FBXO9: variants seen among roughly 807,000 people sequenced by gnomAD.
FBXO9 encodes F-box protein 9, also known as F-box only protein 9.
In FBXO9, 43 loss-of-function variants were observed where a neutral mutation model predicts 63.7. The ratio of observed to expected loss-of-function variants is 0.67; its 90% CI spans 0.53 to 0.87. FBXO9 has a LOEUF of 0.87. FBXO9 is among the 40% of genes least tolerant of loss of function. The pLI, the probability that FBXO9 is intolerant of heterozygous loss-of-function variation, is 0.00. For synonymous variants in FBXO9, 156 were observed against 171.7 expected, an observed-to-expected ratio of 0.91 and a Z score of 0.72; for missense variants, 442 against 533.2, an observed-to-expected ratio of 0.83 and a Z score of 1.68.
intron 12 of FBXO9, among the ~76,000 whole-genome samples, chr6:53,096,122 AT>A (rs1763202155): frequency 6.6e-6 from 1 of 152,254 alleles, no homozygotes; most frequent in Non-Finnish European, 1.5e-5. Context: ...TACTAAAAAA[AT>A]AAGAGGTATT....
chr6:53,078,086 A>G (rs369262778), intron 4 of FBXO9, among the ~76,000 whole-genome samples: 25 of 152,370 alleles, frequency 1.6e-4, no homozygotes, highest in African/African-American at 6.0e-4. Flanking sequence ...AAACAAAAAC[A>G]AAAACTATTC....
intron 4 of FBXO9, among the ~76,000 whole-genome samples, chr6:53,076,957 T>G (rs1340422950): frequency 2.0e-5 from 3 of 152,106 alleles, no homozygotes; most frequent in Non-Finnish European, 4.4e-5. Context: ...TGCAAAAAAA[T>G]ATTGCTGGGA....
intron 9 of FBXO9, 55 bp from the exon 10 acceptor site, chr6:53,093,411 T>A (rs986395376): frequency 8.3e-6 from 10 of 1,211,288 alleles, no homozygotes; most frequent in Non-Finnish European, 1.2e-5. Context: ...GATAAGGACA[T>A]ATTTTATACT....
intron 12 of FBXO9, among the ~76,000 whole-genome samples, chr6:53,097,143 C>T (rs1305365634): frequency 6.6e-6 from 1 of 152,092 alleles, no homozygotes; most frequent in Non-Finnish European, 1.5e-5. Context: ...TTACCACCTA[C>T]TTTCCCTCCC....
chr6:53,092,155 C>T (rs1763056627), intron 7 of FBXO9: 1 of 327,134 alleles, frequency 3.1e-6, no homozygotes, highest in Non-Finnish European at 5.7e-6. Flanking sequence ...TTCCTGGCCT[C>T]CCTATTTCCT....
At chr6:53,070,192 G>A (rs1394385816) in intron 1 of FBXO9, among the ~76,000 whole-genome samples, 2 of 151,144 alleles carry the variant, frequency 1.3e-5, no homozygotes, top group Non-Finnish European at 3.0e-5. Flanking sequence ...CTGATTTTTT[G>A]TATTTTTAGT....
chr6:53,079,304 A>G (rs1769229559), intron 5 of FBXO9, among the ~76,000 whole-genome samples: 2 of 152,172 alleles, frequency 1.3e-5, no homozygotes, highest in Admixed American at 6.6e-5. Flanking sequence ...AGTTTATTAC[A>G]CTAGTTTCCT....
At chr6:53,081,432 C>T (rs1271943949) in intron 6 of FBXO9, among the ~76,000 whole-genome samples, 8 of 152,120 alleles carry the variant, frequency 5.3e-5, no homozygotes, top group African/African-American at 1.9e-4. Context: ...CCACCACACC[C>T]AGCTAAATTT....
At chr6:53,068,838 C>T (rs1441526116) in intron 1 of FBXO9, among the ~76,000 whole-genome samples, 4 of 151,788 alleles carry the variant, frequency 2.6e-5, no homozygotes, top group African/African-American at 7.3e-5. Flanking sequence ...TTTGTAGAGA[C>T]GGGGTCTTGC....
chr6:53,092,981 G>A (rs2127499124), intron 9 of FBXO9, 157 bp downstream of exon 9: 2 of 458,000 alleles, frequency 4.4e-6, no homozygotes, highest in Middle Eastern at 6.5e-4. Context: ...AAAAAAAATA[G>A]GCTAATATAA....
At chr6:53,079,043 T>C (rs1769218932) in intron 5 of FBXO9, 145 bp downstream of exon 5, 1 of 474,128 alleles carries the variant, frequency 2.1e-6, no homozygotes, top group Non-Finnish European at 3.7e-6. Flanking sequence ...AGAAATTTTT[T>C]AATTAGGGAA....
intron 7 of FBXO9, among the ~76,000 whole-genome samples, chr6:53,087,341 C>CA (rs58776188): frequency 0.08 from 3,815 of 47,570 alleles, 195 homozygotes; most frequent in African/African-American, 0.18. Context: ...GATCCTATCT[C>CA]AAAAAAAAAA....
intron 8 of FBXO9, 48 bp downstream of exon 8, chr6:53,092,595 T>C: frequency 6.5e-7 from 1 of 1,528,112 alleles, no homozygotes; most frequent in Non-Finnish European, 9.0e-7. Context: ...TCTATAATGC[T>C]GATTTTTATA....
chr6:53,080,987 G>A lies in FBXO9; in HGVS notation c.427G>A (p.Asp143Asn), dbSNP rs1390503244. 1.2e-6 allele frequency: 2 copies of A among 1,613,634 alleles called. No homozygotes were observed. The highest frequency in any genetic ancestry group is 1.3e-5 in the African/African-American group (1 of 74,914). ...GNSYIEDNDDDSKMADLLSYF... is the reference protein window; with the variant it reads ...GNSYIEDNDDNSKMADLLSYF... ...TTTCAGCATTGAAGATAATGATGAT[G>A]ACAGCAAAATGGCAGATCTCTTGTC... The change falls in exon 6 of 13, where the codon GAC (aspartate) becomes AAC (asparagine). Residue 143 changes from aspartate (D) to asparagine (N), a missense_variant. Physicochemically the swap from Asp to Asn is conservative, Grantham distance 23. Coordinates refer to ENST00000323557, the MANE Select transcript of FBXO9 (RefSeq NM_033480.3).
intron 12 of FBXO9, 79 bp from the exon 13 acceptor site, chr6:53,097,643 T>A (rs1763247852): frequency 6.5e-6 from 5 of 773,706 alleles, no homozygotes; most frequent in Non-Finnish European, 1.0e-5. Context: ...AAGCATAGAA[T>A]AACCTTCCCC....
intron 3 of FBXO9, among the ~76,000 whole-genome samples, chr6:53,076,033 C>T (rs149228374): frequency 1.9e-3 from 293 of 152,180 alleles, no homozygotes; most frequent in African/African-American, 5.0e-3. Context: ...CGTGAGCCAC[C>T]GCGCCCAGCC....
At chr6:53,074,158 G>C (rs1031818719) in intron 3 of FBXO9, among the ~76,000 whole-genome samples, 1 of 152,024 alleles carries the variant, frequency 6.6e-6, no homozygotes, top group Non-Finnish European at 1.5e-5. Context: ...TTTGAATGCT[G>C]TCTAACATTC....
intron 1 of FBXO9, 166 bp from the exon 2 acceptor site, chr6:53,070,891 A>T: frequency 9.5e-7 from 1 of 1,050,924 alleles, no homozygotes; most frequent in Non-Finnish European, 1.3e-6. Context: ...TTTGGAAATT[A>T]ATAGTAAGGT....
chr6:53,096,948 A>C (rs1043014176), intron 12 of FBXO9, among the ~76,000 whole-genome samples: 1 of 152,318 alleles, frequency 6.6e-6, no homozygotes, highest in African/African-American at 2.4e-5. Flanking sequence ...GAGCCAAGCA[A>C]ATGAACAATG....
Sources: gnomAD v4.1 joint callset for allele counts (sites outside exome capture counted in the v4.1 genomes callset) on GRCh38, gnomAD v4.1.1 for gene constraint, MANE v1.5 for transcripts, NCBI Gene and HGNC (gene_info 2026-07-23, HGNC 2026-07-21) for gene names.